The following SMIM14 variants were observed in gnomAD, a reference collection of about 807,000 sequenced individuals.
SMIM14 encodes the protein small integral membrane protein 14.
In SMIM14, 5 loss-of-function variants were observed where a neutral mutation model predicts 12.6. That is an observed-to-expected ratio of 0.40 (90% CI 0.21 to 0.83). The LOEUF (loss-of-function observed/expected upper bound fraction) is 0.83, where lower values mean the gene tolerates loss of function less well. Ranked by LOEUF, SMIM14 falls within the 40% of genes least tolerant of loss-of-function variation. The probability of loss-of-function intolerance (pLI) is 0.37; values close to 1 mark genes in which losing one functional copy is unlikely to be tolerated. For synonymous variants in SMIM14, 30 were observed against 40.1 expected (o/e 0.75, Z 0.95); for missense variants, 86 against 119.1 (o/e 0.72, Z 1.29).
At chr4:39,585,711 G>GA (rs1413961108) in intron 2 of SMIM14, among the ~76,000 whole-genome samples, 4 of 149,262 alleles carry the variant, frequency 2.7e-5, no homozygotes, top group Non-Finnish European at 3.0e-5. Context: ...TACGAAGTGG[G>GA]AAAAAAAAAA....
chr4:39,621,847 C>CTTT (rs34194983), intron 1 of SMIM14, among the ~76,000 whole-genome samples: 1 of 141,834 alleles, frequency 7.1e-6, no homozygotes. Flanking sequence ...TCATGCTTGG[C>CTTT]TTTTTTTTTT....
At chr4:39,576,660 G>GTGTGTGTATATATATATATATATATA (rs1339477098) in intron 2 of SMIM14, among the ~76,000 whole-genome samples, 2 of 72,378 alleles carry the variant, frequency 2.8e-5, no homozygotes, top group East Asian at 4.6e-4. Context: ...GTGTGTATGT[G>GTGTGTGTATATATATATATATATATA]TATATATATA....
intron 1 of SMIM14, among the ~76,000 whole-genome samples, chr4:39,616,884 G>A (rs1205027039): frequency 1.3e-5 from 2 of 152,170 alleles, no homozygotes; most frequent in African/African-American, 4.8e-5. Context: ...TAAGAAATGA[G>A]TCAGAATTCC....
intron 1 of SMIM14, among the ~76,000 whole-genome samples, chr4:39,624,420 G>C (rs1486334158): frequency 6.6e-6 from 1 of 152,100 alleles, no homozygotes; most frequent in Non-Finnish European, 1.5e-5. Context: ...ATCCTGAGCA[G>C]GACTCATTCC....
intron 2 of SMIM14, among the ~76,000 whole-genome samples, chr4:39,591,760 T>C (rs945155859): frequency 2.6e-5 from 4 of 152,080 alleles, no homozygotes; most frequent in African/African-American, 7.2e-5. Context: ...CCAACAGGGT[T>C]TCACCATGTT....
At chr4:39,564,643 T>C (rs1712482958) in intron 3 of SMIM14, among the ~76,000 whole-genome samples, 1 of 152,172 alleles carries the variant, frequency 6.6e-6, no homozygotes, top group African/African-American at 2.4e-5. Context: ...ATAACCTGAA[T>C]GGAAAGCATC....
intron 1 of SMIM14, among the ~76,000 whole-genome samples, chr4:39,616,245 C>T (rs935927742): frequency 6.6e-6 from 1 of 152,186 alleles, no homozygotes; most frequent in Non-Finnish European, 1.5e-5. Flanking sequence ...AAGCAATTCT[C>T]CTGCCTCAGC....
intron 3 of SMIM14, among the ~76,000 whole-genome samples, chr4:39,569,019 G>A (rs1292408990): frequency 1.3e-5 from 2 of 152,074 alleles, no homozygotes; most frequent in South Asian, 2.1e-4. Context: ...CACAAAAGCC[G>A]CACATGTAAT....
intron 3 of SMIM14, among the ~76,000 whole-genome samples, chr4:39,571,209 T>C (rs988712472): frequency 5.3e-5 from 8 of 152,106 alleles, no homozygotes; most frequent in African/African-American, 1.9e-4. Flanking sequence ...CGCATGTTAA[T>C]GTCAGAGCCA....
chr4:39,586,852 G>A (rs560100464), intron 2 of SMIM14, among the ~76,000 whole-genome samples: 1 of 152,084 alleles, frequency 6.6e-6, no homozygotes, highest in African/African-American at 2.4e-5. Flanking sequence ...ATGAAGGCTG[G>A]GAAATCCAAG....
intron 2 of SMIM14, chr4:39,589,482 A>G (rs1175527814): frequency 6.6e-6 from 1 of 152,242 alleles, no homozygotes; most frequent in Non-Finnish European, 1.5e-5. Context: ...ATAAAAATGA[A>G]GAGGATTACC....
intron 1 of SMIM14, among the ~76,000 whole-genome samples, chr4:39,620,610 T>C (rs541428900): frequency 1.2e-3 from 190 of 152,302 alleles, no homozygotes; most frequent in African/African-American, 4.5e-3. Flanking sequence ...GCTGGGATTA[T>C]AGGCGTGAGC....
intron 2 of SMIM14, chr4:39,593,349 G>A (rs1187513497): frequency 2.0e-5 from 3 of 152,034 alleles, no homozygotes; most frequent in Non-Finnish European, 4.4e-5. Context: ...GACAAAATTC[G>A]ACAACCCTTC....
intron 3 of SMIM14, among the ~76,000 whole-genome samples, chr4:39,561,044 T>A (rs1712286532): frequency 6.6e-6 from 1 of 152,158 alleles, no homozygotes; most frequent in Non-Finnish European, 1.5e-5. Flanking sequence ...TTTTTCTTTT[T>A]TTTTAAAAGC....
At chr4:39,599,885 G>A (rs1169594074) in intron 2 of SMIM14, among the ~76,000 whole-genome samples, 1 of 148,102 alleles carries the variant, frequency 6.8e-6, no homozygotes, top group Non-Finnish European at 1.5e-5. Context: ...TCGTGCCACT[G>A]CACTCCAGCC....
Position 39,605,770 on chromosome 4 carries a change from T to A in SMIM14, c.-35-590A>T, listed in dbSNP as rs367652992. Among the ~76,000 whole-genome samples, 43 of 152,352 alleles carry A rather than the reference T, an allele frequency of 2.8e-4. 1 individual carries two copies. In the East Asian group the frequency reaches 5.2e-3, roughly 18 times the overall value. On this transcript the variant is annotated intron_variant, in intron 1 of 4. Coordinates refer to ENST00000295958, the MANE Select transcript of SMIM14 (RefSeq NM_174921.3). Reference sequence around the variant, plus strand: ...TTTTGTTTTGTTTTTAGACAGAGTCTCGCTCTGTCGCCCAGGCTGGAGTGC... The same window carrying A: ...TTTTGTTTTGTTTTTAGACAGAGTCACGCTCTGTCGCCCAGGCTGGAGTGC...
intron 3 of SMIM14, among the ~76,000 whole-genome samples, chr4:39,567,143 GAAAAAAAAA>G (rs1168446466): frequency 5.5e-5 from 4 of 72,092 alleles, no homozygotes; most frequent in African/African-American, 9.8e-5. Flanking sequence ...CTCAAAAAAA[GAAAAAAAAA>G]AAAAAAAAAA....
chr4:39,600,710 CAA>C (rs1347943031), intron 2 of SMIM14, among the ~76,000 whole-genome samples: 2 of 151,148 alleles, frequency 1.3e-5, no homozygotes, highest in Admixed American at 1.3e-4. Context: ...CAAAACAAAA[CAA>C]GAGAAAAAAC....
intron 2 of SMIM14, among the ~76,000 whole-genome samples, chr4:39,579,518 T>C (rs939101459): frequency 6.6e-6 from 1 of 150,994 alleles, no homozygotes; most frequent in African/African-American, 2.4e-5. Flanking sequence ...GAATCTAAAA[T>C]AGTCCAATAG....
Sources: allele counts gnomAD v4.1 joint callset (sites outside exome capture counted in the v4.1 genomes callset), GRCh38; gene constraint gnomAD v4.1.1; transcripts MANE v1.5; gene names NCBI Gene and HGNC (gene_info 2026-07-23, HGNC 2026-07-21).